Variants in BRAP observed in about 807,000 individuals in gnomAD.
BRAP encodes the protein BRCA1 associated protein.
A neutral mutation model predicts 73.4 loss-of-function variants in BRAP; 42 were observed. That is an observed-to-expected ratio of 0.57 (90% CI 0.45 to 0.74). BRAP has a LOEUF of 0.74. Among genes scored for constraint, BRAP ranks in the 30% least tolerant of loss-of-function variants. BRAP has a pLI of 0.00. For synonymous variants in BRAP, 255 were observed against 267.4 expected, an observed-to-expected ratio of 0.95 and a Z score of 0.45; for missense variants, 593 against 751.4, an observed-to-expected ratio of 0.79 and a Z score of 2.46.
intron 10 of BRAP, among the ~76,000 whole-genome samples, chr12:111,653,460 C>G (rs1886400906): frequency 6.6e-6 from 1 of 152,172 alleles, no homozygotes; most frequent in Non-Finnish European, 1.5e-5. Context: ...TTATGACTGC[C>G]TCTGCCTACC....
At chr12:111,677,763 CA>C (rs1887439900) in intron 4 of BRAP, among the ~76,000 whole-genome samples, 1 of 152,318 alleles carries the variant, frequency 6.6e-6, no homozygotes, top group African/African-American at 2.4e-5. Flanking sequence ...AGGAGCTATT[CA>C]AGTGCTTTTC....
At chr12:111,661,823 T>C (rs1407289191) in intron 6 of BRAP, among the ~76,000 whole-genome samples, 2 of 151,748 alleles carry the variant, frequency 1.3e-5, no homozygotes, top group Non-Finnish European at 2.9e-5. Flanking sequence ...ATGATTCTCC[T>C]GCCTCAGCCT....
chr12:111,658,636 T>TAA, intron 9 of BRAP, 100 bp downstream of exon 9: 2 of 893,310 alleles, frequency 2.2e-6, no homozygotes, highest in Non-Finnish European at 3.2e-6. Context: ...GACCAAACTT[T>TAA]AAAAAAAAAA....
At chr12:111,673,102 T>G (rs534606810) in intron 4 of BRAP, 43 of 246,490 alleles carry the variant, frequency 1.7e-4, no homozygotes, top group African/African-American at 9.6e-4. Context: ...TAATAGCAGT[T>G]TTTTTTCCCT....
intron 11 of BRAP, among the ~76,000 whole-genome samples, chr12:111,647,419 T>C (rs949257952): frequency 3.3e-5 from 5 of 152,238 alleles, no homozygotes; most frequent in African/African-American, 1.2e-4. Flanking sequence ...CTAGATTCTA[T>C]TTTTGCAGAG....
chr12:111,662,372 G>A (rs1886788156), intron 6 of BRAP, among the ~76,000 whole-genome samples: 1 of 152,050 alleles, frequency 6.6e-6, no homozygotes, highest in South Asian at 2.1e-4. Context: ...CCAATATGGA[G>A]AAACCCTGTC....
At position 111,683,257 on chromosome 12, in the gene BRAP, C is replaced by T. The variant is rs147705864; in HGVS notation, c.133G>A (p.Val45Ile). The change falls in exon 2 of 12, where the codon GTA (valine) becomes ATA (isoleucine). Residue 45 changes from valine (V) to isoleucine (I), a missense_variant. Physicochemically the swap from Val to Ile is conservative, Grantham distance 29 (BLOSUM62 3). This residue lies in a region of BRAP where 304 missense variants were observed against 337.7 expected (regional missense o/e 0.90). Transcript: ENST00000419234. ...EIKKTTLASA[V>I]ACLEGKSPGE... ...GGTGACTTGCCTTCTAAACAGGCTA[C>T]AGCTGAGGCTAGTGTCGTCTTTTTT... The T allele has an allele frequency of 4.5e-4, 732 of 1,614,030 alleles. 7 individuals carry two copies. In the African/African-American group the frequency reaches 9.0e-3, roughly 20 times the overall value.
intron 4 of BRAP, among the ~76,000 whole-genome samples, chr12:111,678,355 C>T (rs115363523): frequency 6.6e-6 from 1 of 151,530 alleles, no homozygotes; most frequent in African/African-American, 2.4e-5. Context: ...GAATAGTTAC[C>T]GCTTGTTTAA....
intron 2 of BRAP, among the ~76,000 whole-genome samples, chr12:111,682,578 G>A (rs1887646437): frequency 6.6e-6 from 1 of 151,476 alleles, no homozygotes; most frequent in African/African-American, 2.4e-5. Flanking sequence ...ATGTTTATTT[G>A]GACACATTAA....
intron 8 of BRAP, 141 bp downstream of exon 8, chr12:111,659,066 T>C: frequency 9.9e-7 from 1 of 1,010,820 alleles, no homozygotes. Context: ...AGAAAAATAG[T>C]GCCCTCAGGG....
rs1283298316 is a variant in BRAP, at chr12:111,665,646, C to T, written c.889G>A (p.Asp297Asn). The T allele has an allele frequency of 1.2e-6, 2 of 1,614,116 alleles. No individual in the cohort carries two copies. The highest frequency in any genetic ancestry group is 8.5e-7 in the Non-Finnish European group (1 of 1,180,024). Residue 297 changes from aspartate (D) to asparagine (N), a missense_variant, in exon 6 of 12, where the codon GAT (aspartate) becomes AAT (asparagine). Transcript: ENST00000419234. This position sits in a 1 kb window ranked among gnomAD's most constrained non-coding sequence, Gnocchi z 4.3. ...FHSQCLQRWD[D>N]TTCPVCRYCQ... ...TTCGGCCCCTGCACTCACGTGGTAT[C>T]GTCCCAGCGCTGTAGACACTGGCTG...
chr12:111,682,337 A>G (rs1323303705), intron 2 of BRAP, among the ~76,000 whole-genome samples: 1 of 151,792 alleles, frequency 6.6e-6, no homozygotes, highest in Admixed American at 6.6e-5. Context: ...GTCTCTACCA[A>G]AAATACAAAA....
chr12:111,657,903 C>T (rs1286897520), intron 9 of BRAP, among the ~76,000 whole-genome samples: 1 of 151,318 alleles, frequency 6.6e-6, no homozygotes, highest in African/African-American at 2.4e-5. Flanking sequence ...CAACTACAGA[C>T]ATCACAATGA....
At chr12:111,681,916 CAG>C in intron 2 of BRAP, 81 bp from the exon 3 acceptor site, 2 of 1,324,694 alleles carry the variant, frequency 1.5e-6, no homozygotes, top group East Asian at 4.8e-5. Flanking sequence ...AATTTCAAGT[CAG>C]AGGAATAAAC....
chr12:111,681,050 T>A (rs1887581270), intron 3 of BRAP, among the ~76,000 whole-genome samples: 1 of 152,214 alleles, frequency 6.6e-6, no homozygotes, highest in Non-Finnish European at 1.5e-5. Context: ...CAATTCCCCA[T>A]CACCTTCCAT....
intron 10 of BRAP, among the ~76,000 whole-genome samples, chr12:111,653,776 G>A (rs760374904): frequency 7.9e-5 from 12 of 152,122 alleles, no homozygotes; most frequent in Non-Finnish European, 1.8e-4. Flanking sequence ...GCCAAAAGGA[G>A]GACCGTGGCA....
chr12:111,685,415 G>C (rs1052123868), intron 1 of BRAP, among the ~76,000 whole-genome samples: 2 of 152,226 alleles, frequency 1.3e-5, no homozygotes, highest in Admixed American at 1.3e-4. Flanking sequence ...GAAGCCCATA[G>C]GGAAGCAAGT....
intron 11 of BRAP, among the ~76,000 whole-genome samples, chr12:111,646,603 T>C (rs1886121140): frequency 6.6e-6 from 1 of 152,102 alleles, no homozygotes; most frequent in Non-Finnish European, 1.5e-5. Context: ...TGAAGCTCCG[T>C]TTCTACTAAA....
At chr12:111,649,384 C>T (rs1886235718) in intron 11 of BRAP, among the ~76,000 whole-genome samples, 1 of 152,196 alleles carries the variant, frequency 6.6e-6, no homozygotes, top group African/African-American at 2.4e-5. Context: ...AATTCCTGGG[C>T]TCAAGCAACC....
Sources: allele counts gnomAD v4.1 joint callset (sites outside exome capture counted in the v4.1 genomes callset), GRCh38; gene constraint gnomAD v4.1.1; regional missense constraint gnomAD v4.1.1; non-coding constraint Gnocchi (gnomAD v3.1); transcripts MANE v1.5; gene names NCBI Gene and HGNC (gene_info 2026-07-23, HGNC 2026-07-21).